The following FAM227B variants were observed in gnomAD, a reference collection of about 807,000 sequenced individuals.
FAM227B encodes the protein family with sequence similarity 227 member B, also known as protein FAM227B.
FAM227B carries 88 observed loss-of-function variants against 73.8 expected under a neutral mutation model. The observed-to-expected ratio is 1.19, with a 90% CI of 1.00 to 1.42. The LOEUF (loss-of-function observed/expected upper bound fraction) is 1.42, where lower values mean the gene tolerates loss of function less well. Among genes scored for constraint, FAM227B ranks in the 40% most tolerant of loss-of-function variants. FAM227B has a pLI of 0.00. For synonymous variants in FAM227B, 210 were observed against 190.5 expected (o/e 1.10, Z -0.84); for missense variants, 632 against 590.9 (o/e 1.07, Z -0.72).
intron 3 of FAM227B, among the ~76,000 whole-genome samples, chr15:49,593,871 A>G (rs2152417781): frequency 6.6e-6 from 1 of 152,316 alleles, no homozygotes; most frequent in South Asian, 2.1e-4. Context: ...TGCAAATGCA[A>G]ATTGTGCAGC....
intron 9 of FAM227B, among the ~76,000 whole-genome samples, chr15:49,545,335 G>A (rs1251389208): frequency 1.3e-5 from 2 of 152,020 alleles, no homozygotes; most frequent in African/African-American, 2.4e-5. Flanking sequence ...CTGTGGTATC[G>A]GTTGTAATGT....
At chr15:49,336,280 CCTGT>C (rs1416431815) in intron 13 of FAM227B, among the ~76,000 whole-genome samples, 1 of 152,230 alleles carries the variant, frequency 6.6e-6, no homozygotes, top group Non-Finnish European at 1.5e-5. Flanking sequence ...ATTCCTCTGT[CCTGT>C]CTGTTTCTGG....
intron 9 of FAM227B, among the ~76,000 whole-genome samples, chr15:49,562,820 A>C (rs1333305824): frequency 3.9e-5 from 6 of 152,132 alleles, no homozygotes; most frequent in Non-Finnish European, 1.5e-5. Flanking sequence ...AAAAATCCTC[A>C]AAAAAGTAGG....
chr15:49,424,167 A>G, intron 11 of FAM227B: 1 of 776,420 alleles, frequency 1.3e-6, no homozygotes, highest in Non-Finnish European at 2.1e-6. Flanking sequence ...ACAATTTGGA[A>G]AGAGCAACTA....
At chr15:49,606,196 G>A (rs1429694815) in intron 3 of FAM227B, 1 of 152,056 alleles carries the variant, frequency 6.6e-6, no homozygotes, top group Non-Finnish European at 1.5e-5. Flanking sequence ...TTCTTGCAAG[G>A]ATAGTTGTTC....
Position 49,354,518 on chromosome 15 carries a change from T to C in FAM227B, c.1271+12930A>G, listed in dbSNP as rs572749394. On this transcript the variant is annotated intron_variant, in intron 13 of 15. Coordinates refer to ENST00000299338, the MANE Select transcript of FAM227B (RefSeq NM_152647.3). ...CCTGGAAAATCGTGTCACTCCCACC[T>C]GAATACTGCACTTTTCCGACCGGCT... 5.9e-5 allele frequency among the ~76,000 whole-genome samples: 9 copies of C among 152,330 alleles called. No individual in the cohort carries two copies. In the East Asian group the frequency reaches 1.4e-3, roughly 23 times the overall value.
rs1432810961 is a variant in FAM227B at position 49,422,118 on chromosome 15, C to CAGAGAG, written c.1013-50720_1013-50719insCTCTCT. Among the ~76,000 whole-genome samples the CAGAGAG allele has an allele frequency of 6.3e-5, 5 of 79,136 alleles. 1 individual carries two copies. The highest frequency in any genetic ancestry group is 9.6e-4 in the South Asian group (2 of 2,094). 51.9% of individuals were successfully genotyped at this position (79,136 alleles called of 152,430 possible). ...CCTGGTGGTAAAGTAGTGCATTTCA[C>CAGAGAG]ATAGAGAGAGAGAGAGAGAGAGAGA... On this transcript the variant is annotated intron_variant, in intron 11 of 15. Coordinates refer to ENST00000299338, the MANE Select transcript of FAM227B (RefSeq NM_152647.3).
chr15:49,526,057 T>G (rs970147218), intron 10 of FAM227B, among the ~76,000 whole-genome samples: 5 of 151,924 alleles, frequency 3.3e-5, no homozygotes, highest in Non-Finnish European at 5.9e-5. Flanking sequence ...ACGAACCTAA[T>G]AGACATTTAA....
intron 10 of FAM227B, among the ~76,000 whole-genome samples, chr15:49,541,213 T>C (rs555035740): frequency 1.3e-5 from 2 of 152,216 alleles, no homozygotes; most frequent in Non-Finnish European, 2.9e-5. Flanking sequence ...GAGTTTTGCT[T>C]TCCTTTAGCT....
At chr15:49,585,893 G>A (rs2076129561) in intron 5 of FAM227B, among the ~76,000 whole-genome samples, 1 of 151,962 alleles carries the variant, frequency 6.6e-6, no homozygotes, top group South Asian at 2.1e-4. Flanking sequence ...CAAACAAATG[G>A]AAAAACGTTC....
chr15:49,457,282 G>A (rs1220752644), intron 11 of FAM227B, among the ~76,000 whole-genome samples: 2 of 151,974 alleles, frequency 1.3e-5, no homozygotes, highest in African/African-American at 4.8e-5. Context: ...TAACAACGGT[G>A]TTAGTAATAG....
intron 10 of FAM227B, among the ~76,000 whole-genome samples, chr15:49,530,564 G>C (rs2060532560): frequency 6.6e-6 from 1 of 151,722 alleles, no homozygotes; most frequent in Non-Finnish European, 1.5e-5. Flanking sequence ...ATACCATTGG[G>C]TAAAAGTGAA....
intron 11 of FAM227B, chr15:49,422,696 A>G: frequency 8.2e-7 from 1 of 1,217,652 alleles, no homozygotes; most frequent in Non-Finnish European, 1.2e-6. Context: ...ATAAGAATCT[A>G]GATCTTCTCA....
chr15:49,471,980 T>C (rs2054818463), intron 11 of FAM227B, among the ~76,000 whole-genome samples: 1 of 151,528 alleles, frequency 6.6e-6, no homozygotes, highest in Non-Finnish European at 1.5e-5. Flanking sequence ...AGGTGTTGTT[T>C]TCATTTTTTC....
Position 49,520,005 on chromosome 15 carries a change from C to T in FAM227B, c.875-11657G>A, listed in dbSNP as rs2059668281. On this transcript the variant is annotated intron_variant, in intron 10 of 15. Coordinates refer to ENST00000299338, the MANE Select transcript of FAM227B (RefSeq NM_152647.3). ...TGAATGCTTTTAAGAGCACCCAAGT[C>T]ACATCTTGAATGCTTTGCTGCTTAG... 3.3e-5 allele frequency among the ~76,000 whole-genome samples: 5 copies of T among 152,274 alleles called. No individual in the cohort carries two copies. In the South Asian group the frequency reaches 1.0e-3, roughly 32 times the overall value.
intron 9 of FAM227B, among the ~76,000 whole-genome samples, chr15:49,542,548 C>T (rs2071224156): frequency 6.6e-6 from 1 of 151,610 alleles, no homozygotes; most frequent in African/African-American, 2.4e-5. Flanking sequence ...GCCTCTGCAT[C>T]CTCATAGCTT....
intron 15 of FAM227B, 25 bp downstream of exon 15, chr15:49,331,755 A>G: frequency 7.1e-7 from 1 of 1,407,146 alleles, no homozygotes; most frequent in Non-Finnish European, 1.0e-6. Context: ...GAGAATTCTC[A>G]ATTATTTTCA....
chr15:49,419,453 A>G (rs1204232079), intron 11 of FAM227B, among the ~76,000 whole-genome samples: 3 of 152,156 alleles, frequency 2.0e-5, no homozygotes, highest in African/African-American at 7.2e-5. Context: ...TTCCTTTCCA[A>G]TATCTTTTTG....
chr15:49,355,473 T>C (rs1286889366), intron 13 of FAM227B, among the ~76,000 whole-genome samples: 1 of 151,984 alleles, frequency 6.6e-6, no homozygotes, highest in Admixed American at 6.5e-5. Flanking sequence ...TGCGATCAAC[T>C]GGAAGAAAGG....
Sources: allele counts gnomAD v4.1 joint callset (sites outside exome capture counted in the v4.1 genomes callset), GRCh38; gene constraint gnomAD v4.1.1; transcripts MANE v1.5; gene names NCBI Gene and HGNC (gene_info 2026-07-23, HGNC 2026-07-21).